BRD4: variants seen among roughly 807,000 people sequenced by gnomAD.
The protein encoded by BRD4 is bromodomain containing 4.
A neutral mutation model predicts 142.1 loss-of-function variants in BRD4; 16 were observed. The ratio of observed to expected loss-of-function variants is 0.11; its 90% CI spans 0.08 to 0.17. The LOEUF is 0.17. BRD4 is among the 10% of genes least tolerant of loss of function. BRD4 has a pLI of 1.00. For missense variants in BRD4, 1,424 were observed against 1,810.9 expected, an observed-to-expected ratio of 0.79 and a Z score of 3.88; for synonymous variants, 833 against 707.5, an observed-to-expected ratio of 1.18 and a Z score of -2.82.
rs929842425 is a variant in BRD4 at position 15,244,508 on chromosome 19, T to A, written c.2304A>T (p.Pro768=). ...PPPPQQPPPP[P]PPQQQQQPPP... ...GCGGCTGCTGTTGCTGCTGCGGAGG[T>A]GGAGGCGGTGGGGGCTGCTGGGGAG... Residue 768 remains proline (P), a synonymous_variant, in exon 13 of 20, where the codon CCA becomes CCT. Coordinates refer to ENST00000679869, the MANE Select transcript of BRD4 (RefSeq NM_001379291.1). 2 of 557,398 alleles carry A rather than the reference T, an allele frequency of 3.6e-6. No individual in the cohort carries two copies. Among genetic ancestry groups the A allele is most frequent in the South Asian group, 3.8e-5 (1 of 26,368 alleles). The allele number at this position is 557,398 out of a possible 1,614,324, so 34.5% of individuals were successfully genotyped here.
intron 1 of BRD4, among the ~76,000 whole-genome samples, chr19:15,316,572 C>T (rs1345316566): frequency 2.6e-5 from 4 of 151,548 alleles, no homozygotes; most frequent in Non-Finnish European, 4.4e-5. Context: ...GCCTGGGCAA[C>T]AAGAGCCAAA....
rs117508019 is a variant in BRD4 at position 15,259,997 on chromosome 19, C to T, written c.1342-2824G>A. 4.9e-3 allele frequency among the ~76,000 whole-genome samples: 749 copies of T among 152,258 alleles called. 13 individuals are homozygous for T. The highest frequency in any genetic ancestry group is 0.02 in the South Asian group (96 of 4,814). On this transcript the variant is annotated intron_variant, in intron 7 of 19. Coordinates refer to ENST00000679869, the MANE Select transcript of BRD4 (RefSeq NM_001379291.1). ...GTGAGGGGTAGCAGGCACCAGCACCCGCCAGGGAACACCGAGTGCAGGCAT... is the reference window on the plus strand; with the variant it reads ...GTGAGGGGTAGCAGGCACCAGCACCTGCCAGGGAACACCGAGTGCAGGCAT...
chr19:15,263,368 C>A lies in BRD4; in HGVS notation c.1341+52G>T, dbSNP rs955979869. 4 of 1,584,356 alleles carry A rather than the reference C, an allele frequency of 2.5e-6. No individual in the cohort carries two copies. The African/African-American group carries it at 5.4e-5, about 21-fold the overall frequency. On this transcript the variant is annotated intron_variant, in intron 7 of 19. Transcript: ENST00000679869. The stretch of plus-strand genomic sequence containing the variant: ...CAAGGCCCACAGAAGTCTGCTCCCA[C>A]GAGGACCTCAGCCTGCTCTGCTGAG...
rs1368075529 is a variant in BRD4 at position 15,239,184 on chromosome 19, T to C, written c.3657A>G (p.Ser1219=). Residue 1219 remains serine (S), a synonymous_variant, in exon 18 of 20, where the codon TCA becomes TCG. Transcript: ENST00000679869. This position sits in a 1 kb window ranked among gnomAD's most constrained non-coding sequence, Gnocchi z 7.4. Reference sequence around the variant, plus strand: ...GGAACTGCTCGAAGCTGTCGCTGGATGACTTGGCTGTGGAGGAGGGGGTGG... The same window carrying C: ...GGAACTGCTCGAAGCTGTCGCTGGACGACTTGGCTGTGGAGGAGGGGGTGG... The part of the protein sequence containing the change: ...HPTTPSSTAK[S]SSDSFEQFRR... 6.2e-7 allele frequency: 1 copy of C among 1,613,260 alleles called. No individual in the cohort carries two copies. The highest frequency in any genetic ancestry group is 1.7e-5 in the Admixed American group (1 of 60,020).
chr19:15,256,818 G>C, intron 8 of BRD4, 146 bp downstream of exon 8: 1 of 693,556 alleles, frequency 1.4e-6, no homozygotes, highest in East Asian at 2.8e-5. Flanking sequence ...ATTTGACCTA[G>C]CAAAGGGGAA....
At chr19:15,297,686 G>C (rs972212334) in intron 1 of BRD4, among the ~76,000 whole-genome samples, 1 of 152,190 alleles carries the variant, frequency 6.6e-6, no homozygotes, top group African/African-American at 2.4e-5. Context: ...GGTTTAGTGG[G>C]AGATGCCCCA....
In BRD4 at chr19:15,302,862, G is replaced by C. The variant is rs981433942; in HGVS notation, c.-35+29428C>G. On this transcript the variant is annotated intron_variant, in intron 1 of 19. Transcript: ENST00000679869. ...CTACTAAAAAATACAAAAAAAATTAGCCAGGCGTGGTGGCGGTCACCTGTA... is the reference window on the plus strand; with the variant it reads ...CTACTAAAAAATACAAAAAAAATTACCCAGGCGTGGTGGCGGTCACCTGTA... Among the ~76,000 whole-genome samples, 66 of 151,392 alleles carry C rather than the reference G, an allele frequency of 4.4e-4. 1 individual carries two copies. The highest frequency in any genetic ancestry group is 2.4e-4 in the Non-Finnish European group (16 of 67,906).
At chr19:15,328,529 C>A (rs1476688911) in intron 1 of BRD4, among the ~76,000 whole-genome samples, 1 of 152,178 alleles carries the variant, frequency 6.6e-6, no homozygotes, top group Non-Finnish European at 1.5e-5. Flanking sequence ...GGGACCCCAG[C>A]GTTATCTTAG....
At chr19:15,264,819 G>A (rs2145601011) in intron 5 of BRD4, 53 bp from the exon 6 acceptor site, 1 of 1,555,408 alleles carries the variant, frequency 6.4e-7, no homozygotes, top group African/African-American at 1.4e-5. Flanking sequence ...AGCCGGCACA[G>A]CTGCCCTCAG....
chr19:15,322,678 C>T (rs2048072534), intron 1 of BRD4, among the ~76,000 whole-genome samples: 1 of 140,952 alleles, frequency 7.1e-6, no homozygotes, highest in South Asian at 2.3e-4. Flanking sequence ...CAGTGAAACC[C>T]CATCTCTACT....
rs369998665 is a variant in BRD4 at position 15,239,028 on chromosome 19, G to A, written c.3782+31C>T. On this transcript the variant is annotated intron_variant, in intron 18 of 19. Coordinates refer to ENST00000679869, the MANE Select transcript of BRD4 (RefSeq NM_001379291.1). The surrounding 1 kb of genome is among the most constrained non-coding windows in gnomAD (Gnocchi z 7.4). The stretch of plus-strand genomic sequence containing the variant: ...CCTGGGGACTGGTGTGGCCCCAAGA[G>A]TCCCCATGCCCCACCCAGACACCCG... 7 of 1,578,988 alleles carry A rather than the reference G, an allele frequency of 4.4e-6. No individual in the cohort carries two copies. In the African/African-American group the frequency reaches 8.1e-5, roughly 18 times the overall value.
rs542953047 is a variant in BRD4, at chr19:15,266,945, T to C, written c.559+471A>G. 7.2e-5 allele frequency among the ~76,000 whole-genome samples: 11 copies of C among 152,252 alleles called. No homozygotes were observed. In the East Asian group the frequency reaches 2.1e-3, roughly 29 times the overall value. On this transcript the variant is annotated intron_variant, in intron 4 of 19. Coordinates refer to ENST00000679869, the MANE Select transcript of BRD4 (RefSeq NM_001379291.1). ...ACAGGCAGAGATGGATGAGGAGGGC[T>C]TTCACTTCAGATGACTGAGCATCAG...
intron 1 of BRD4, among the ~76,000 whole-genome samples, chr19:15,286,159 G>A (rs771039858): frequency 1.2e-4 from 19 of 152,308 alleles, no homozygotes; most frequent in Non-Finnish European, 2.4e-4. Flanking sequence ...GACAAAGGGG[G>A]ACAAAGGTCT....
At chr19:15,273,932 C>T (rs2145628339) in intron 1 of BRD4, among the ~76,000 whole-genome samples, 1 of 151,946 alleles carries the variant, frequency 6.6e-6, no homozygotes, top group Non-Finnish European at 1.5e-5. Context: ...ACACACTAGG[C>T]ACCCTAGCTG....
chr19:15,275,071 C>T (rs2047631788), intron 1 of BRD4, among the ~76,000 whole-genome samples: 1 of 151,986 alleles, frequency 6.6e-6, no homozygotes, highest in African/African-American at 2.4e-5. Context: ...GTTGGCCAGG[C>T]TGGTCTCAAA....
intron 2 of BRD4, among the ~76,000 whole-genome samples, chr19:15,271,270 T>G (rs1382600451): frequency 1.3e-5 from 2 of 152,216 alleles, no homozygotes; most frequent in African/African-American, 4.8e-5. Flanking sequence ...CTGGCACTGA[T>G]GCGTTTCCCT....
intron 11 of BRD4, chr19:15,247,009 C>T (rs529789287): frequency 1.6e-5 from 3 of 183,646 alleles, no homozygotes; most frequent in South Asian, 2.0e-4. Flanking sequence ...CCCCAAGACA[C>T]CCCCACACAA....
intron 2 of BRD4, among the ~76,000 whole-genome samples, chr19:15,271,780 C>A (rs34893821): frequency 0.019 from 2,866 of 152,302 alleles, 35 homozygotes; most frequent in Middle Eastern, 0.034. Flanking sequence ...CACGTACTGC[C>A]CTGTTCTGAT....
At chr19:15,246,323 C>T (rs1363322177) in intron 11 of BRD4, among the ~76,000 whole-genome samples, 1 of 152,000 alleles carries the variant, frequency 6.6e-6, no homozygotes, top group Non-Finnish European at 1.5e-5. Flanking sequence ...AGCCACAGGA[C>T]CAGGGGGACC....
Sources: gnomAD v4.1 joint callset for allele counts (sites outside exome capture counted in the v4.1 genomes callset) on GRCh38, gnomAD v4.1.1 for gene constraint, Gnocchi (gnomAD v3.1) non-coding constraint, MANE v1.5 for transcripts, NCBI Gene and HGNC (gene_info 2026-07-23, HGNC 2026-07-21) for gene names.